The following SPAG16 variants were observed in gnomAD, a reference collection of about 807,000 sequenced individuals.
SPAG16 encodes sperm-associated antigen 16 protein.
A neutral mutation model predicts 80.4 loss-of-function variants in SPAG16; 86 were observed. The ratio of observed to expected loss-of-function variants is 1.07; its 90% CI spans 0.90 to 1.28. SPAG16 has a LOEUF of 1.28. Ranked by LOEUF, SPAG16 falls within the 50% of genes most tolerant of loss-of-function variation. The pLI, the probability that SPAG16 is intolerant of heterozygous loss-of-function variation, is 0.00. For missense variants in SPAG16, 870 were observed against 765.3 expected (o/e 1.14, Z -1.61); for synonymous variants, 294 against 265.9 (o/e 1.11, Z -1.03).
At chr2:213,819,130 C>G (rs2072768323) in intron 10 of SPAG16, among the ~76,000 whole-genome samples, 1 of 152,118 alleles carries the variant, frequency 6.6e-6, no homozygotes, top group Non-Finnish European at 1.5e-5. Flanking sequence ...AATAGAGCTC[C>G]AAAATGTGTA....
intron 15 of SPAG16, among the ~76,000 whole-genome samples, chr2:214,387,144 G>C (rs890118198): frequency 1.3e-5 from 2 of 152,042 alleles, no homozygotes; most frequent in African/African-American, 4.8e-5. Context: ...CATCTCCTCT[G>C]TGAAGTAAGC....
At chr2:213,961,612 AT>A (rs1553681852) in intron 12 of SPAG16, among the ~76,000 whole-genome samples, 3 of 137,530 alleles carry the variant, frequency 2.2e-5, no homozygotes, top group Non-Finnish European at 4.7e-5. Context: ...CTGGATTTTG[AT>A]AAATGTTTTT....
intron 10 of SPAG16, among the ~76,000 whole-genome samples, chr2:213,851,617 G>T (rs1036371977): frequency 3.9e-5 from 6 of 152,142 alleles, no homozygotes; most frequent in Admixed American, 3.3e-4. Context: ...CACTACATAA[G>T]GCCTTTCCCT....
At chr2:214,407,712 T>C (rs1702072236) in intron 15 of SPAG16, among the ~76,000 whole-genome samples, 1 of 152,114 alleles carries the variant, frequency 6.6e-6, no homozygotes, top group Non-Finnish European at 1.5e-5. Context: ...TTATTTTCTT[T>C]CTGAGAGTAC....
At chr2:213,527,218 T>A (rs2075917618) in intron 10 of SPAG16, among the ~76,000 whole-genome samples, 1 of 152,200 alleles carries the variant, frequency 6.6e-6, no homozygotes, top group African/African-American at 2.4e-5. Flanking sequence ...TGTTTTCAGC[T>A]TTACTCAGTG....
chr2:214,214,233 C>A (rs985737954), intron 15 of SPAG16, among the ~76,000 whole-genome samples: 1 of 149,210 alleles, frequency 6.7e-6, no homozygotes, highest in Non-Finnish European at 1.5e-5. Context: ...TGCAGTGGCA[C>A]AATCTGGCTC....
intron 10 of SPAG16, among the ~76,000 whole-genome samples, chr2:213,841,003 T>G (rs1464402666): frequency 6.6e-6 from 1 of 152,190 alleles, no homozygotes; most frequent in Non-Finnish European, 1.5e-5. Context: ...GTGTCTGAAA[T>G]AGACTTCATG....
rs1157999818 is a variant in SPAG16 at position 213,871,869 on chromosome 2, CACACACACACAGAGAGAGAG to C, written c.1214+9243_1214+9262del. Reference sequence around the variant, plus strand: ...ACACACACACACACACACACACACACACACACACACAGAGAGAGAGAGAGAGAGAGCAAACAGCAGTAAAA... The same window carrying C: ...ACACACACACACACACACACACACACAGAGAGAGAGCAAACAGCAGTAAAA... On this transcript the variant is annotated intron_variant, in intron 11 of 15. Transcript: ENST00000331683. Among the ~76,000 whole-genome samples, 10 of 108,096 alleles carry C rather than the reference CACACACACACAGAGAGAGAG, an allele frequency of 9.3e-5. No homozygotes were observed. The South Asian group carries it at 1.2e-3, about 13-fold the overall frequency. The allele number at this position is 108,096 out of a possible 152,430, so 70.9% of individuals were successfully genotyped here. A position where few individuals can be genotyped will look rare whatever the true frequency, so the allele number is the denominator to read the frequency against.
intron 15 of SPAG16, among the ~76,000 whole-genome samples, chr2:214,190,686 A>T (rs968692031): frequency 1.3e-5 from 2 of 152,020 alleles, no homozygotes; most frequent in Non-Finnish European, 2.9e-5. Flanking sequence ...CCATTATGAG[A>T]GTGGGGGCCC....
chr2:214,374,845 C>T (rs1259105610), intron 15 of SPAG16, among the ~76,000 whole-genome samples: 2 of 152,200 alleles, frequency 1.3e-5, no homozygotes, highest in Non-Finnish European at 2.9e-5. Flanking sequence ...ATAAGCACTC[C>T]TTCCTGGGAG....
intron 14 of SPAG16, among the ~76,000 whole-genome samples, chr2:214,118,266 G>T (rs1270784297): frequency 1.3e-5 from 2 of 152,054 alleles, no homozygotes. Context: ...CTAGAAATAA[G>T]TTTAAACAAA....
chr2:214,034,722 T>A (rs780601621), intron 13 of SPAG16, among the ~76,000 whole-genome samples: 1 of 152,196 alleles, frequency 6.6e-6, no homozygotes, highest in Non-Finnish European at 1.5e-5. Flanking sequence ...CTGCAGCACC[T>A]GGAAGCTTTA....
At chr2:214,062,693 C>G (rs1408395970) in intron 13 of SPAG16, among the ~76,000 whole-genome samples, 3 of 117,622 alleles carry the variant, frequency 2.6e-5, no homozygotes, top group South Asian at 5.3e-4. Context: ...TTTTTAGTCT[C>G]TGCTCTCTTA....
chr2:213,637,809 G>T (rs1226941884), intron 10 of SPAG16, among the ~76,000 whole-genome samples: 2 of 152,302 alleles, frequency 1.3e-5, no homozygotes, highest in African/African-American at 4.8e-5. Context: ...CCAGGCTGGA[G>T]TGTAGTGGCT....
intron 15 of SPAG16, among the ~76,000 whole-genome samples, chr2:214,309,456 A>T (rs1185313144): frequency 6.6e-6 from 1 of 152,152 alleles, no homozygotes; most frequent in Non-Finnish European, 1.5e-5. Context: ...ATTTGGAGAA[A>T]AGAAGGTACT....
rs539578985 is a variant in SPAG16 at position 214,264,179 on chromosome 2, A to G, written c.1720+114913A>G. Among the ~76,000 whole-genome samples, 18 of 152,240 alleles carry G rather than the reference A, an allele frequency of 1.2e-4. No individual in the cohort carries two copies. In the South Asian group the frequency reaches 3.3e-3, roughly 28 times the overall value. On this transcript the variant is annotated intron_variant, in intron 15 of 15. Coordinates refer to ENST00000331683, the MANE Select transcript of SPAG16 (RefSeq NM_024532.5). ...TATGCCCTAAATCCATACTCCTCCT[A>G]ATAGGCAAATTGATCTTGGAGAAAT...
At chr2:214,010,631 C>T (rs1338251028) in intron 12 of SPAG16, among the ~76,000 whole-genome samples, 1 of 146,720 alleles carries the variant, frequency 6.8e-6, no homozygotes, top group Non-Finnish European at 1.5e-5. Flanking sequence ...TCTCCACAAA[C>T]ATTTGAGGAG....
intron 9 of SPAG16, among the ~76,000 whole-genome samples, chr2:213,484,216 G>A: frequency 6.6e-6 from 1 of 152,144 alleles, no homozygotes. Context: ...GATACTTGAG[G>A]AGTACTAAAT....
At chr2:213,736,921 G>C (rs1412864989) in intron 10 of SPAG16, among the ~76,000 whole-genome samples, 2 of 151,836 alleles carry the variant, frequency 1.3e-5, no homozygotes, top group African/African-American at 4.8e-5. Flanking sequence ...AGCCAGGCTG[G>C]TCTTGAACGC....
Sources: allele counts gnomAD v4.1 joint callset (sites outside exome capture counted in the v4.1 genomes callset), GRCh38; gene constraint gnomAD v4.1.1; transcripts MANE v1.5; gene names NCBI Gene and HGNC (gene_info 2026-07-23, HGNC 2026-07-21).